Variants in GPHN observed in about 807,000 individuals in gnomAD.
GPHN encodes gephyrin.
In GPHN, 17 loss-of-function variants were observed where a neutral mutation model predicts 95.5. That is an observed-to-expected ratio of 0.18 (90% CI 0.12 to 0.27). The LOEUF is 0.27. GPHN is among the 10% of genes least tolerant of loss of function. The pLI, the probability that GPHN is intolerant of heterozygous loss-of-function variation, is 1.00. For missense variants in GPHN, 660 were observed against 978.1 expected (o/e 0.67, Z 4.34); for synonymous variants, 320 against 322.5 (o/e 0.99, Z 0.08).
intron 11 of GPHN, 76 bp from the exon 12 acceptor site, chr14:67,088,907 T>G: frequency 1.2e-6 from 1 of 815,602 alleles, no homozygotes; most frequent in South Asian, 1.4e-5. Flanking sequence ...CAAGCACTCA[T>G]GCCCATCTTG....
In GPHN at chr14:66,808,297, G is replaced by A. The variant is rs750858425; in HGVS notation, c.202-16177G>A. 3.3e-5 allele frequency among the ~76,000 whole-genome samples: 5 copies of A among 152,218 alleles called. 1 individual carries two copies. The South Asian group carries it at 6.2e-4, about 19-fold the overall frequency. On this transcript the variant is annotated intron_variant, in intron 3 of 22. Transcript: ENST00000478722. ...TTTAGATATGAATCCTTTGATACATGTATCATCCATTTATTCTCCTCCTCG... is the reference window on the plus strand; with the variant it reads ...TTTAGATATGAATCCTTTGATACATATATCATCCATTTATTCTCCTCCTCG...
chr14:66,646,544 T>C (rs2064755009), intron 1 of GPHN, among the ~76,000 whole-genome samples: 1 of 152,130 alleles, frequency 6.6e-6, no homozygotes, highest in African/African-American at 2.4e-5. Flanking sequence ...GTGGAAGGAA[T>C]GAATAGATAA....
At chr14:67,466,994 C>CAAAA in the GPHN span, 2 of 72,856 alleles carry the variant, frequency 2.7e-5, no homozygotes, top group African/African-American at 5.1e-5. Flanking sequence ...GACCCAATCT[C>CAAAA]AAAAAAAAAA....
chr14:67,076,518 C>T (rs1245479550), intron 11 of GPHN, among the ~76,000 whole-genome samples: 5 of 152,032 alleles, frequency 3.3e-5, no homozygotes, highest in African/African-American at 1.2e-4. Context: ...CATAGTAACC[C>T]TCTTAATCCT....
At chr14:67,125,997 G>T (rs1184162230) in intron 17 of GPHN, among the ~76,000 whole-genome samples, 1 of 152,060 alleles carries the variant, frequency 6.6e-6, no homozygotes, top group Non-Finnish European at 1.5e-5. Context: ...AAGTGAGTTG[G>T]ACTAAATGGC....
At chr14:67,237,486 CT>C in the GPHN span, among the ~76,000 whole-genome samples, 58 of 147,404 alleles carry the variant, frequency 3.9e-4, no homozygotes, top group African/African-American at 6.4e-4. Context: ...TCCTCCAAAA[CT>C]TTTTTTTTTT....
chr14:67,042,004 C>T (rs1027471102), intron 10 of GPHN, among the ~76,000 whole-genome samples: 10 of 151,624 alleles, frequency 6.6e-5, no homozygotes, highest in African/African-American at 2.4e-4. Context: ...CTGTTGGCTG[C>T]ATAAATGTCT....
At chr14:67,451,939 G>A in the GPHN span, among the ~76,000 whole-genome samples, 2 of 152,210 alleles carry the variant, frequency 1.3e-5, no homozygotes, top group Non-Finnish European at 2.9e-5. Flanking sequence ...TGTGTTGTGG[G>A]AGGAACCTGG....
intron 3 of GPHN, among the ~76,000 whole-genome samples, chr14:66,818,895 T>C (rs891596661): frequency 9.2e-5 from 14 of 152,250 alleles, no homozygotes; most frequent in African/African-American, 3.1e-4. Context: ...TGTCTTCTTC[T>C]GAGAAGTGTC....
intron 3 of GPHN, among the ~76,000 whole-genome samples, chr14:66,807,499 C>T (rs2060592264): frequency 1.3e-5 from 2 of 152,160 alleles, no homozygotes; most frequent in African/African-American, 2.4e-5. Context: ...AGAATAAATA[C>T]AAAGCATCAT....
chr14:67,300,232 C>T, the GPHN span, among the ~76,000 whole-genome samples: 1 of 152,004 alleles, frequency 6.6e-6, no homozygotes. Flanking sequence ...ATTAATTAAT[C>T]CCAAAATTAT....
chr14:67,663,287 T>C, the GPHN span: 1 of 812,208 alleles, frequency 1.2e-6, no homozygotes, highest in Non-Finnish European at 1.9e-6. Flanking sequence ...ATACTACAGG[T>C]TTTCCATCTA....
intron 1 of GPHN, among the ~76,000 whole-genome samples, chr14:66,512,006 T>C (rs1298252464): frequency 6.6e-6 from 1 of 151,968 alleles, no homozygotes; most frequent in Non-Finnish European, 1.5e-5. Flanking sequence ...TTTGGTGACC[T>C]AAGGTCTAGT....
intron 16 of GPHN, among the ~76,000 whole-genome samples, chr14:67,117,479 G>T (rs2078755651): frequency 6.6e-6 from 1 of 152,036 alleles, no homozygotes; most frequent in Non-Finnish European, 1.5e-5. Context: ...ATTAGCTACT[G>T]GTCATTCAAA....
At chr14:67,067,075 C>T (rs2076088561) in intron 11 of GPHN, among the ~76,000 whole-genome samples, 2 of 151,894 alleles carry the variant, frequency 1.3e-5, no homozygotes, top group Non-Finnish European at 2.9e-5. Flanking sequence ...GTTTTATCTA[C>T]CTTTGGTCTT....
At chr14:66,866,650 CA>C (rs1252651963) in intron 4 of GPHN, among the ~76,000 whole-genome samples, 1 of 152,112 alleles carries the variant, frequency 6.6e-6, no homozygotes, top group Non-Finnish European at 1.5e-5. Flanking sequence ...TTAGCAAATA[CA>C]GTGAGATTTT....
At chr14:67,560,426 T>A in the GPHN span, among the ~76,000 whole-genome samples, 1 of 152,240 alleles carries the variant, frequency 6.6e-6, no homozygotes, top group Non-Finnish European at 1.5e-5. Context: ...AGCAATTCAG[T>A]GGCATTAAGT....
chr14:67,155,899 A>G (rs2081554050), intron 18 of GPHN, among the ~76,000 whole-genome samples: 1 of 152,220 alleles, frequency 6.6e-6, no homozygotes, highest in Non-Finnish European at 1.5e-5. Flanking sequence ...AGGAGCAACA[A>G]TAAAACTAAC....
chr14:66,721,263 G>A (rs1323420977), intron 2 of GPHN, among the ~76,000 whole-genome samples: 1 of 152,148 alleles, frequency 6.6e-6, no homozygotes, highest in African/African-American at 2.4e-5. Context: ...AATTGAGAAT[G>A]ACAAAAGGCT....
Sources: allele counts gnomAD v4.1 joint callset (sites outside exome capture counted in the v4.1 genomes callset), GRCh38; gene constraint gnomAD v4.1.1; transcripts MANE v1.5; gene names NCBI Gene and HGNC (gene_info 2026-07-23, HGNC 2026-07-21).